Variants in THAP8 observed in about 807,000 individuals in gnomAD.
THAP8 encodes the protein THAP domain-containing protein 8.
Under a neutral mutation model 25.0 loss-of-function variants are expected in THAP8, and 24 were observed. The observed-to-expected ratio is 0.96, with a 90% confidence interval of 0.69 to 1.35. THAP8 has a LOEUF of 1.35. Ranked by LOEUF, THAP8 falls within the 40% of genes most tolerant of loss-of-function variation. The pLI is 0.00. For missense variants in THAP8, 399 were observed against 368.8 expected, an observed-to-expected ratio of 1.08 and a Z score of -0.67; for synonymous variants, 169 against 157.6, an observed-to-expected ratio of 1.07 and a Z score of -0.54.
chr19:36,037,299 TACAC>T (rs376932776), intron 3 of THAP8, among the ~76,000 whole-genome samples: 2,069 of 67,700 alleles, frequency 0.031, 26 homozygotes, highest in Middle Eastern at 0.12. Flanking sequence ...CTTCCTCCCC[TACAC>T]ACACACACAC....
intron 3 of THAP8, among the ~76,000 whole-genome samples, chr19:36,038,402 C>T (rs1436169119): frequency 2.6e-5 from 4 of 152,038 alleles, no homozygotes; most frequent in African/African-American, 9.7e-5. Flanking sequence ...GCTGGGACCA[C>T]ATGTGCCCAC....
intron 1 of THAP8, chr19:36,046,094 G>A (rs1167441379): frequency 2.8e-6 from 1 of 359,658 alleles, no homozygotes. Context: ...ATCCCCATGT[G>A]TCAAGGGAGG....
At chr19:36,054,561 C>A (rs1599734380), upstream of THAP8, 7 of 550,290 alleles carry the variant, frequency 1.3e-5, no homozygotes, top group East Asian at 2.2e-4. Flanking sequence ...TAGTCAATCT[C>A]TTACGGCTCC....
At chr19:36,053,256 C>T (rs1970119943) in intron 1 of THAP8, among the ~76,000 whole-genome samples, 1 of 147,976 alleles carries the variant, frequency 6.8e-6, no homozygotes, top group South Asian at 2.1e-4. Context: ...TTAGTAGACA[C>T]GGGGTTTCAC....
chr19:36,048,954 A>G (rs1177778856), intron 1 of THAP8, among the ~76,000 whole-genome samples: 5 of 151,666 alleles, frequency 3.3e-5, no homozygotes, highest in Non-Finnish European at 7.4e-5. Flanking sequence ...TATAGACCCC[A>G]TAATTTGTTT....
rs1284584526 is a variant in THAP8 at position 36,054,271 on chromosome 19, C to T, written c.-54G>A. ...GGGTCAGCGGCTGCACTTTGGTTCT[C>T]GCGGAGCGCCGCCTAACCCCGCCCC... On this transcript the variant is annotated 5_prime_UTR_variant, in exon 1 of 4. Coordinates refer to ENST00000292894, the MANE Select transcript of THAP8 (RefSeq NM_152658.3). The T allele has an allele frequency of 1.3e-6, 2 of 1,566,670 alleles. No homozygotes were observed. The highest frequency in any genetic ancestry group is 2.3e-5 in the South Asian group (2 of 86,626).
chr19:36,039,998 G>T lies in THAP8; in HGVS notation c.222C>A (p.Arg74=), dbSNP rs771936280. Residue 74 remains arginine (R), a synonymous_variant, in exon 2 of 4, where the codon CGC becomes CGA. Coordinates refer to ENST00000292894, the MANE Select transcript of THAP8 (RefSeq NM_152658.3). ...AGGGCACTGCATCAGGCCGCAGGTA[G>T]CGCACACCCCAGCGCCACTGGAAGC... The part of the protein sequence containing the change: ...PSCFQWRWGV[R]YLRPDAVPSI... The T allele has an allele frequency of 1.2e-6, 2 of 1,613,598 alleles. No homozygotes were observed. The highest frequency in any genetic ancestry group is 2.7e-5 in the African/African-American group (2 of 74,924).
chr19:36,052,672 T>C (rs374550927), intron 1 of THAP8, among the ~76,000 whole-genome samples: 3 of 152,338 alleles, frequency 2.0e-5, no homozygotes, highest in African/African-American at 4.8e-5. Context: ...GCAATAAAGT[T>C]TACATAGATG....
At position 36,054,279 on chromosome 19, in the gene THAP8, G is replaced by A; in HGVS notation, c.-62C>T. 1.3e-6 allele frequency: 2 copies of A among 1,551,322 alleles called. No homozygotes were observed. Among genetic ancestry groups the A allele is most frequent in the Admixed American group, 1.9e-5 (1 of 53,062 alleles). ...GGCTGCACTTTGGTTCTCGCGGAGCGCCGCCTAACCCCGCCCCACCCGCGC... is the reference window on the plus strand; with the variant it reads ...GGCTGCACTTTGGTTCTCGCGGAGCACCGCCTAACCCCGCCCCACCCGCGC... On this transcript the variant is annotated 5_prime_UTR_variant, in exon 1 of 4. Coordinates refer to ENST00000292894, the MANE Select transcript of THAP8 (RefSeq NM_152658.3).
chr19:36,053,937 A>G (rs1970182911), intron 1 of THAP8, among the ~76,000 whole-genome samples, 198 bp downstream of exon 1: 1 of 152,110 alleles, frequency 6.6e-6, no homozygotes. Context: ...TCTGTAGTCA[A>G]TCGTCTACTC....
At chr19:36,048,370 T>C (rs535715880) in intron 1 of THAP8, among the ~76,000 whole-genome samples, 1 of 141,966 alleles carries the variant, frequency 7.0e-6, no homozygotes, top group Non-Finnish European at 1.5e-5. Context: ...CTTCATTTCT[T>C]TTTTTTTTTT....
At chr19:36,052,055 T>G (rs565087951) in intron 1 of THAP8, among the ~76,000 whole-genome samples, 90 of 136,658 alleles carry the variant, frequency 6.6e-4, no homozygotes, top group African/African-American at 2.3e-3. Flanking sequence ...GGTTTTTTGG[T>G]TTTTTTTTTA....
At chr19:36,042,474 T>C (rs1045515511) in intron 1 of THAP8, among the ~76,000 whole-genome samples, 2 of 151,796 alleles carry the variant, frequency 1.3e-5, no homozygotes, top group African/African-American at 4.8e-5. Flanking sequence ...CTACAAAAAA[T>C]AGAAAAATTA....
At chr19:36,046,651 G>A (rs1969890366) in intron 1 of THAP8, among the ~76,000 whole-genome samples, 2 of 152,210 alleles carry the variant, frequency 1.3e-5, no homozygotes. Flanking sequence ...GTTCTCAGCA[G>A]CCCCATTCTT....
intron 2 of THAP8, 22 bp from the exon 3 acceptor site, chr19:36,039,740 G>T (rs945033442): frequency 6.7e-7 from 1 of 1,497,400 alleles, no homozygotes; most frequent in Non-Finnish European, 8.9e-7. Flanking sequence ...GGCATGGGGT[G>T]CAGGGGTGCC....
Position 36,035,121 on chromosome 19 carries a change from G to C in THAP8, c.*319C>G, listed in dbSNP as rs899034396. On this transcript the variant is annotated 3_prime_UTR_variant, in exon 4 of 4. Transcript: ENST00000292894. ...CTCAGTACCAGGCTTGGCAAAAAGCGTGGGACTCCTTAGAACCAGGTATGA... is the reference window on the plus strand; with the variant it reads ...CTCAGTACCAGGCTTGGCAAAAAGCCTGGGACTCCTTAGAACCAGGTATGA... The C allele has an allele frequency of 4.0e-6, 1 of 249,358 alleles. No individual in the cohort carries two copies. The highest frequency in any genetic ancestry group is 7.7e-6 in the Non-Finnish European group (1 of 130,078). The allele number at this position is 249,358 out of a possible 1,614,324, so 15.4% of individuals were successfully genotyped here. A position where few individuals can be genotyped will look rare whatever the true frequency, so the allele number is the denominator to read the frequency against.
intron 1 of THAP8, among the ~76,000 whole-genome samples, chr19:36,053,162 G>A (rs141655182): frequency 6.6e-6 from 1 of 151,842 alleles, no homozygotes; most frequent in Non-Finnish European, 1.5e-5. Flanking sequence ...CTGCCTTCTG[G>A]ATTCATGCGA....
intron 1 of THAP8, among the ~76,000 whole-genome samples, chr19:36,051,767 A>G (rs1191015571): frequency 6.6e-6 from 1 of 152,154 alleles, no homozygotes; most frequent in East Asian, 1.9e-4. Context: ...ACCATAGGCC[A>G]GGGGTCCCCA....
intron 1 of THAP8, among the ~76,000 whole-genome samples, chr19:36,046,219 C>T (rs1262902535): frequency 5.9e-5 from 9 of 152,102 alleles, no homozygotes; most frequent in Non-Finnish European, 1.2e-4. Flanking sequence ...CCCTCTTGCT[C>T]TCTCTCTCTC....
Sources: allele counts gnomAD v4.1 joint callset (sites outside exome capture counted in the v4.1 genomes callset), GRCh38; gene constraint gnomAD v4.1.1; transcripts MANE v1.5; gene names NCBI Gene and HGNC (gene_info 2026-07-23, HGNC 2026-07-21).